Variants in CBL observed in about 807,000 individuals in gnomAD.
The protein encoded by CBL is Cbl proto-oncogene.
In CBL, 45 loss-of-function variants were observed where a neutral mutation model predicts 96.9. That is an observed-to-expected ratio of 0.46 (90% CI 0.37 to 0.60). The LOEUF is 0.60. CBL is among the 20% of genes least tolerant of loss of function. The pLI is 0.00. For synonymous variants in CBL, 420 were observed against 426.8 expected, an observed-to-expected ratio of 0.98 and a Z score of 0.20; for missense variants, 1,024 against 1,143.5, an observed-to-expected ratio of 0.90 and a Z score of 1.51.
chr11:119,250,315 C>G (rs1047904522), intron 2 of CBL, among the ~76,000 whole-genome samples: 11 of 152,114 alleles, frequency 7.2e-5, no homozygotes, highest in African/African-American at 2.7e-4. Context: ...TCCCTCTACC[C>G]CTTTCAGGTG....
chr11:119,242,503 A>C, intron 2 of CBL, among the ~76,000 whole-genome samples: 1 of 136,512 alleles, frequency 7.3e-6, no homozygotes, highest in South Asian at 2.4e-4. Context: ...GCACCACTGC[A>C]CTCTAGCCTG....
At chr11:119,264,447 C>CTTCTCTTCTCTTCTCTTCTCTTCTCTTCT (rs1467484951) in intron 2 of CBL, among the ~76,000 whole-genome samples, 30 of 125,740 alleles carry the variant, frequency 2.4e-4, no homozygotes, top group Admixed American at 5.6e-4. Context: ...TCTTCTTTCT[C>CTTCTCTTCTCTTCTCTTCTCTTCTCTTCT]TTCTCTTCTC....
At chr11:119,276,464 C>T (rs2511853) in intron 6 of CBL, among the ~76,000 whole-genome samples, 4,274 of 152,256 alleles carry the variant, frequency 0.028, 228 homozygotes, top group African/African-American at 0.097. Context: ...TTTAACTAGT[C>T]GGCATTCAAG....
intron 2 of CBL, among the ~76,000 whole-genome samples, chr11:119,260,215 C>T (rs1949743838): frequency 6.7e-6 from 1 of 148,968 alleles, no homozygotes; most frequent in Non-Finnish European, 1.5e-5. Flanking sequence ...TGATTATTGG[C>T]TTAGCTTCTT....
At chr11:119,208,206 G>T (rs909805249) in intron 1 of CBL, among the ~76,000 whole-genome samples, 2 of 152,038 alleles carry the variant, frequency 1.3e-5, no homozygotes, top group Non-Finnish European at 2.9e-5. Context: ...AAATGCTAAA[G>T]TTTGTTAGTT....
chr11:119,296,174 T>C (rs1347033374), intron 12 of CBL, among the ~76,000 whole-genome samples: 1 of 152,186 alleles, frequency 6.6e-6, no homozygotes, highest in Non-Finnish European at 1.5e-5. Flanking sequence ...ATGCTCCTTG[T>C]AGCATCTTTA....
rs551260049 is a variant in CBL, at chr11:119,306,936, A to G, written c.*7155A>G. On this transcript the variant is annotated 3_prime_UTR_variant, in exon 16 of 16. Coordinates refer to ENST00000264033, the MANE Select transcript of CBL (RefSeq NM_005188.4). The stretch of plus-strand genomic sequence containing the variant: ...TACTCAAAACAAAACAATTTTTAGC[A>G]CACTGAAAAAAAAAAAAAGCCAAAT... 8.9e-6 allele frequency: 2 copies of G among 225,110 alleles called. No homozygotes were observed. Among genetic ancestry groups the G allele is most frequent in the East Asian group, 6.4e-5 (1 of 15,710 alleles). 13.9% of individuals were successfully genotyped at this position (225,110 alleles called of 1,614,324 possible). A position where few individuals can be genotyped will look rare whatever the true frequency, so the allele number is the denominator to read the frequency against.
At chr11:119,213,120 A>G (rs1195830463) in intron 1 of CBL, among the ~76,000 whole-genome samples, 1 of 152,052 alleles carries the variant, frequency 6.6e-6, no homozygotes, top group African/African-American at 2.4e-5. Flanking sequence ...CAGCCAAGAA[A>G]GTATTTTTAA....
intron 2 of CBL, among the ~76,000 whole-genome samples, chr11:119,264,441 CTTTCTCTTCTCTTCTCTTCTCTTT>C (rs1565868384): frequency 5.9e-5 from 5 of 84,466 alleles, no homozygotes; most frequent in East Asian, 5.3e-4. Flanking sequence ...CTCTTCTCTT[CTTTCTCTTCTCTTCTCTTCTCTTT>C]TCTTCTTTTC....
At chr11:119,219,325 C>T (rs1299818153) in intron 1 of CBL, among the ~76,000 whole-genome samples, 8 of 151,210 alleles carry the variant, frequency 5.3e-5, no homozygotes, top group Non-Finnish European at 4.4e-5. Context: ...TGGCAGTGAG[C>T]CGAGATAGTG....
chr11:119,232,430 C>G lies in CBL; in HGVS notation c.196-18C>G. 1.9e-6 allele frequency: 3 copies of G among 1,612,426 alleles called. No homozygotes were observed. Among genetic ancestry groups the G allele is most frequent in the Non-Finnish European group, 2.5e-6 (3 of 1,179,908 alleles). The stretch of plus-strand genomic sequence containing the variant: ...TAAAATTCTCCAAGTAATAGCCCTT[C>G]TTTTTCATTTGTTGCAGGTGGTGCG... On this transcript the variant is annotated intron_variant, in intron 1 of 15. Transcript: ENST00000264033.
intron 12 of CBL, among the ~76,000 whole-genome samples, chr11:119,290,556 G>C (rs1950018673): frequency 6.7e-6 from 1 of 149,494 alleles, no homozygotes; most frequent in Non-Finnish European, 1.5e-5. Context: ...GGAGGCGGAG[G>C]TTGCAGTGAG....
At chr11:119,232,402 C>T in intron 1 of CBL, 46 bp from the exon 2 acceptor site, 1 of 1,605,790 alleles carries the variant, frequency 6.2e-7, no homozygotes, top group Non-Finnish European at 8.5e-7. Flanking sequence ...AGGGAGCTGT[C>T]CTTAAAATTC....
Position 119,234,910 on chromosome 11 carries a change from C to A in CBL, c.443+2215C>A, listed in dbSNP as rs532329229. ...TCTAGGCAGAGAAGTCAAGAAAAGT[C>A]TTTTAACACAGTGGCATGAAAATGG... On this transcript the variant is annotated intron_variant, in intron 2 of 15. Coordinates refer to ENST00000264033, the MANE Select transcript of CBL (RefSeq NM_005188.4). Among the ~76,000 whole-genome samples, 14 of 152,258 alleles carry A rather than the reference C, an allele frequency of 9.2e-5. No individual in the cohort carries two copies. The South Asian group carries it at 2.9e-3, about 32-fold the overall frequency.
At chr11:119,243,405 C>T (rs1477302531) in intron 2 of CBL, among the ~76,000 whole-genome samples, 1 of 151,776 alleles carries the variant, frequency 6.6e-6, no homozygotes, top group East Asian at 1.9e-4. Flanking sequence ...GCCCGCTTCA[C>T]CCTCCCAAAG....
intron 12 of CBL, among the ~76,000 whole-genome samples, chr11:119,290,659 A>G (rs1265548128): frequency 1.4e-5 from 2 of 146,480 alleles, no homozygotes; most frequent in East Asian, 2.1e-4. Context: ...TACAGCATCT[A>G]TTTTTGTTTT....
intron 2 of CBL, among the ~76,000 whole-genome samples, chr11:119,254,804 G>C (rs1044591685): frequency 6.6e-6 from 1 of 152,082 alleles, no homozygotes; most frequent in Non-Finnish European, 1.5e-5. Context: ...GTTTTGCCAT[G>C]TTGGCCAGGC....
At chr11:119,214,272 G>A (rs1467727177) in intron 1 of CBL, among the ~76,000 whole-genome samples, 6 of 148,782 alleles carry the variant, frequency 4.0e-5, no homozygotes, top group South Asian at 2.1e-4. Context: ...TCAGAGTCTC[G>A]CTCTGTCACC....
chr11:119,251,639 A>T (rs1949670377), intron 2 of CBL, among the ~76,000 whole-genome samples: 1 of 152,250 alleles, frequency 6.6e-6, no homozygotes, highest in Non-Finnish European at 1.5e-5. Context: ...ATGTTCACAT[A>T]ACGAGAGTTT....
Sources: gnomAD v4.1 joint callset for allele counts (sites outside exome capture counted in the v4.1 genomes callset) on GRCh38, gnomAD v4.1.1 for gene constraint, MANE v1.5 for transcripts, NCBI Gene and HGNC (gene_info 2026-07-23, HGNC 2026-07-21) for gene names.